P2RX5: variants seen among roughly 807,000 people sequenced by gnomAD.
The protein encoded by P2RX5 is P2X purinoceptor 5.
A neutral mutation model predicts 54.1 loss-of-function variants in P2RX5; 46 were observed. The observed-to-expected ratio is 0.85, with a 90% CI of 0.67 to 1.09. The LOEUF (loss-of-function observed/expected upper bound fraction) is 1.09, where lower values mean the gene tolerates loss of function less well. Ranked by LOEUF, P2RX5 falls within the 50% of genes least tolerant of loss-of-function variation. P2RX5 has a pLI of 0.00. For missense variants in P2RX5, 566 were observed against 549.8 expected (o/e 1.03, Z -0.29); for synonymous variants, 226 against 226.4 (o/e 1.00, Z 0.02).
chr17:3,681,768 T>C, intron 10 of P2RX5, 128 bp downstream of exon 10: 1 of 726,000 alleles, frequency 1.4e-6, no homozygotes, highest in South Asian at 1.5e-5. Context: ...AGAACACTTC[T>C]CCTCCCCGGG....
the P2RX5 span, chr17:3,714,893 C>T: frequency 1.2e-6 from 2 of 1,611,756 alleles, no homozygotes. Context: ...CTGGGCCTTC[C>T]TGATGCTCTC....
At chr17:3,685,065 C>G (rs550223679) in intron 9 of P2RX5, among the ~76,000 whole-genome samples, 1 of 151,972 alleles carries the variant, frequency 6.6e-6, no homozygotes, top group African/African-American at 2.4e-5. Context: ...AGGCTGGTCT[C>G]GAACTCACAA....
intron 3 of P2RX5, 21 bp from the exon 4 acceptor site, chr17:3,690,701 C>T (rs1416724883): frequency 6.2e-7 from 1 of 1,611,902 alleles, no homozygotes; most frequent in Non-Finnish European, 8.5e-7. Flanking sequence ...AGAAGGGGCA[C>T]CTGGATGGGG....
intron 9 of P2RX5, 113 bp from the exon 10 acceptor site, chr17:3,682,091 C>G (rs2050300235): frequency 4.0e-6 from 3 of 743,290 alleles, no homozygotes; most frequent in Non-Finnish European, 7.2e-6. Context: ...ATCACTGTCC[C>G]CATTTAACAG....
In P2RX5 at chr17:3,679,643, G is replaced by T; in HGVS notation, c.1206C>A (p.Ser402Arg). Residue 402 changes from serine (S) to arginine (R), a missense_variant, in exon 11 of 12, where the codon AGC becomes AGA. By Grantham distance (110) the Ser-to-Arg change is moderately radical (BLOSUM62 -1). Transcript: ENST00000225328. ...CAGATCCGTTCCCCTTCTGACTGCTGCTTCCACGCTTCGCCTCGGGTGGCT... is the reference window on the plus strand; with the variant it reads ...CAGATCCGTTCCCCTTCTGACTGCTTCTTCCACGCTTCGCCTCGGGTGGCT... ...LQEPPEAKRG[S>R]SSQKGNGSVC... is the part of the protein sequence containing the mutation. 1 of 1,610,126 alleles carries T rather than the reference G, an allele frequency of 6.2e-7. No homozygotes were observed. Among genetic ancestry groups the T allele is most frequent in the Non-Finnish European group, 8.5e-7 (1 of 1,179,828 alleles).
chr17:3,707,085 CTGAT>C, the P2RX5 span, among the ~76,000 whole-genome samples: 3 of 152,052 alleles, frequency 2.0e-5, no homozygotes, highest in Admixed American at 6.6e-5. Context: ...TAAAAACATT[CTGAT>C]TGTTAGATTT....
intron 11 of P2RX5, chr17:3,675,229 A>G: frequency 2.9e-6 from 1 of 348,496 alleles, no homozygotes; most frequent in Non-Finnish European, 4.0e-6. Flanking sequence ...TAGTAGAGAC[A>G]GGGTTTCACC....
At chr17:3,679,886 C>A (rs2050191508) in intron 10 of P2RX5, 102 bp from the exon 11 acceptor site, 2 of 997,248 alleles carry the variant, frequency 2.0e-6, no homozygotes, top group Non-Finnish European at 3.1e-6. Context: ...CTGCAGGCCG[C>A]CACCCTGCTT....
chr17:3,681,524 C>T (rs139574791), intron 10 of P2RX5, among the ~76,000 whole-genome samples: 5 of 152,186 alleles, frequency 3.3e-5, no homozygotes, highest in African/African-American at 7.2e-5. Context: ...CCCTCAGCCC[C>T]GGCGCACCAG....
upstream of P2RX5, among the ~76,000 whole-genome samples, chr17:3,697,816 C>T (rs894355965): frequency 1.3e-5 from 2 of 152,138 alleles, no homozygotes; most frequent in African/African-American, 4.8e-5. Context: ...CCCAAAGTAG[C>T]CCCCAGTCCC....
the P2RX5 span, among the ~76,000 whole-genome samples, chr17:3,705,344 T>C: frequency 6.6e-6 from 1 of 152,170 alleles, no homozygotes; most frequent in East Asian, 1.9e-4. Context: ...CCTTCCCAGC[T>C]ACACAGTCCC....
At chr17:3,710,754 C>G in the P2RX5 span, among the ~76,000 whole-genome samples, 16 of 151,732 alleles carry the variant, frequency 1.1e-4, no homozygotes, top group Non-Finnish European at 2.2e-4. Context: ...ATGGTGAAAC[C>G]CCATCTCTAC....
upstream of P2RX5, among the ~76,000 whole-genome samples, chr17:3,698,204 T>A (rs780700772): frequency 6.6e-6 from 1 of 150,666 alleles, no homozygotes; most frequent in Admixed American, 6.6e-5. Context: ...CGCCACCGAG[T>A]GACATCACCC....
At chr17:3,676,373 G>A in intron 11 of P2RX5, 2 of 985,380 alleles carry the variant, frequency 2.0e-6, no homozygotes, top group Non-Finnish European at 2.4e-6. Context: ...CAAAATCAGG[G>A]AGCCTCCTGC....
Position 3,689,537 on chromosome 17 carries a change from G to A in P2RX5, c.708C>T (p.Ser236=), listed in dbSNP as rs1450261545. Residue 236 remains serine (S), a synonymous_variant, in exon 7 of 12, where the codon TCC becomes TCT. Coordinates refer to ENST00000225328, the MANE Select transcript of P2RX5 (RefSeq NM_002561.4). ...NHYCPIFRLG[S]VIRWAGSDFQ... Reference sequence around the variant, plus strand: ...AGTCGCTCCCGGCCCAGCGGATCACGGAGCCCAGTCGGAAGATGGGGCAGT... The same window carrying A: ...AGTCGCTCCCGGCCCAGCGGATCACAGAGCCCAGTCGGAAGATGGGGCAGT... The A allele has an allele frequency of 8.7e-6, 14 of 1,614,064 alleles. No individual in the cohort carries two copies. Among genetic ancestry groups the A allele is most frequent in the African/African-American group, 2.7e-5 (2 of 74,940 alleles).
the P2RX5 span, among the ~76,000 whole-genome samples, chr17:3,710,358 C>A: frequency 6.6e-6 from 1 of 151,340 alleles, no homozygotes; most frequent in Non-Finnish European, 1.5e-5. Flanking sequence ...ACCTGGGAGG[C>A]GGAGGTTGCA....
chr17:3,714,629 G>A, the P2RX5 span: 1 of 431,288 alleles, frequency 2.3e-6, no homozygotes, highest in South Asian at 5.3e-5. Context: ...AGGCACTACT[G>A]CAAAGAAAAG....
intron 11 of P2RX5, among the ~76,000 whole-genome samples, chr17:3,678,377 C>A (rs1318162246): frequency 1.3e-5 from 2 of 152,260 alleles, no homozygotes; most frequent in African/African-American, 4.8e-5. Flanking sequence ...GGAGCGTGGG[C>A]CTGTGAGTCC....
upstream of P2RX5, among the ~76,000 whole-genome samples, chr17:3,697,999 T>C (rs935736891): frequency 6.6e-6 from 1 of 152,048 alleles, no homozygotes; most frequent in Non-Finnish European, 1.5e-5. Context: ...TGCCACATAA[T>C]AGTTCTAGAC....
Sources: gnomAD v4.1 joint callset for allele counts (sites outside exome capture counted in the v4.1 genomes callset) on GRCh38, gnomAD v4.1.1 for gene constraint, MANE v1.5 for transcripts, NCBI Gene and HGNC (gene_info 2026-07-23, HGNC 2026-07-21) for gene names.